The following TACR3 variants were observed in gnomAD, a reference collection of about 807,000 sequenced individuals.
TACR3 encodes the protein tachykinin receptor 3, also known as neuromedin-K receptor.
TACR3 carries 34 observed loss-of-function variants against 35.0 expected under a neutral mutation model. The observed-to-expected ratio is 0.97, with a 90% CI of 0.74 to 1.30. TACR3 has a LOEUF of 1.30. TACR3 is among the 50% of genes most tolerant of loss of function. TACR3 has a pLI of 0.00. For missense variants in TACR3, 558 were observed against 591.7 expected (o/e 0.94, Z 0.59); for synonymous variants, 233 against 221.1 (o/e 1.05, Z -0.48).
At chr4:103,655,553 C>A (rs1725716022) in intron 3 of TACR3, among the ~76,000 whole-genome samples, 1 of 151,842 alleles carries the variant, frequency 6.6e-6, no homozygotes, top group East Asian at 1.9e-4. Flanking sequence ...TAAAATAATC[C>A]TAGTAAAATA....
chr4:103,656,087 G>A, intron 3 of TACR3, 107 bp downstream of exon 3: 1 of 1,371,420 alleles, frequency 7.3e-7, no homozygotes, highest in Admixed American at 1.8e-5. Flanking sequence ...TTAAAAACAG[G>A]AGTAGAGCAT....
At chr4:103,590,138 C>A in intron 4 of TACR3, 144 bp from the exon 5 acceptor site, 1 of 925,066 alleles carries the variant, frequency 1.1e-6, no homozygotes, top group Non-Finnish European at 1.7e-6. Flanking sequence ...GAATTTATGT[C>A]ACAGTACTGT....
intron 1 of TACR3, among the ~76,000 whole-genome samples, chr4:103,694,249 A>G (rs1423843922): frequency 6.8e-6 from 1 of 148,062 alleles, no homozygotes; most frequent in African/African-American, 2.7e-5. Context: ...ATGCTTGTGA[A>G]GCTTACACCA....
chr4:103,674,495 G>T (rs1395369728), intron 1 of TACR3, among the ~76,000 whole-genome samples: 1 of 152,122 alleles, frequency 6.6e-6, no homozygotes, highest in Non-Finnish European at 1.5e-5. Flanking sequence ...ATTAATCATA[G>T]TTCCAGGACC....
chr4:103,652,963 TAAGAG>T (rs1301101201), intron 3 of TACR3, among the ~76,000 whole-genome samples: 1 of 152,184 alleles, frequency 6.6e-6, no homozygotes, highest in Admixed American at 6.6e-5. Context: ...AGAAAAAAAT[TAAGAG>T]AAGGGCCAGC....
At chr4:103,682,135 G>A (rs928288799) in intron 1 of TACR3, among the ~76,000 whole-genome samples, 6 of 151,950 alleles carry the variant, frequency 3.9e-5, no homozygotes, top group African/African-American at 7.3e-5. Context: ...TTAAATTCTT[G>A]TCATTATTAT....
At chr4:103,687,310 G>A (rs1252545138) in intron 1 of TACR3, among the ~76,000 whole-genome samples, 2 of 152,004 alleles carry the variant, frequency 1.3e-5, no homozygotes, top group African/African-American at 4.8e-5. Context: ...GGCAAAAACT[G>A]GAAGCATTCC....
intron 1 of TACR3, among the ~76,000 whole-genome samples, chr4:103,707,494 A>G (rs1195728211): frequency 6.6e-6 from 1 of 152,162 alleles, no homozygotes; most frequent in Admixed American, 6.5e-5. Flanking sequence ...TTATGTGTCT[A>G]TAATTCAGAA....
chr4:103,706,380 A>G (rs1722790050), intron 1 of TACR3, among the ~76,000 whole-genome samples: 2 of 152,328 alleles, frequency 1.3e-5, no homozygotes, highest in East Asian at 1.9e-4. Flanking sequence ...ACTAAATTTT[A>G]TAGAATAAAA....
intron 3 of TACR3, among the ~76,000 whole-genome samples, chr4:103,622,568 A>G (rs1250274390): frequency 6.6e-6 from 1 of 152,144 alleles, no homozygotes; most frequent in African/African-American, 2.4e-5. Context: ...CGTCTCTACT[A>G]AAAATACAAA....
At chr4:103,629,378 T>C (rs1724990204) in intron 3 of TACR3, among the ~76,000 whole-genome samples, 1 of 152,116 alleles carries the variant, frequency 6.6e-6, no homozygotes, top group African/African-American at 2.4e-5. Context: ...CATGATTGTA[T>C]ATCTAGAAAA....
intron 3 of TACR3, among the ~76,000 whole-genome samples, chr4:103,645,938 C>G (rs1725447609): frequency 6.6e-6 from 1 of 151,944 alleles, no homozygotes; most frequent in African/African-American, 2.4e-5. Context: ...ACATCCAAGA[C>G]CCTGTTCTTT....
At chr4:103,678,146 G>A (rs1726213138) in intron 1 of TACR3, among the ~76,000 whole-genome samples, 1 of 152,078 alleles carries the variant, frequency 6.6e-6, no homozygotes. Context: ...GTGATTCAAG[G>A]ATTAAATGGA....
At chr4:103,664,178 C>G (rs536346264) in intron 1 of TACR3, among the ~76,000 whole-genome samples, 1 of 152,218 alleles carries the variant, frequency 6.6e-6, no homozygotes, top group African/African-American at 2.4e-5. Context: ...TTAAAGCCAC[C>G]TCTTAAAAGT....
chr4:103,711,587 A>G (rs1722962396), intron 1 of TACR3, among the ~76,000 whole-genome samples: 1 of 152,206 alleles, frequency 6.6e-6, no homozygotes, highest in Non-Finnish European at 1.5e-5. Flanking sequence ...CTGGCACAAG[A>G]CAGGGATGCC....
intron 3 of TACR3, among the ~76,000 whole-genome samples, chr4:103,607,256 A>T (rs76051369): frequency 0.012 from 1,886 of 152,204 alleles, 38 homozygotes; most frequent in African/African-American, 0.043. Flanking sequence ...ATCATTGCCT[A>T]TGCATTATTC....
intron 1 of TACR3, among the ~76,000 whole-genome samples, chr4:103,673,650 G>A (rs947668815): frequency 1.1e-4 from 16 of 152,030 alleles, no homozygotes; most frequent in Non-Finnish European, 1.0e-4. Flanking sequence ...AATGTGACAC[G>A]AAAAAATGAA....
At chr4:103,695,421 T>C (rs981163271) in intron 1 of TACR3, among the ~76,000 whole-genome samples, 6 of 152,148 alleles carry the variant, frequency 3.9e-5, no homozygotes, top group Admixed American at 3.3e-4. Context: ...TAAAGACCTG[T>C]ATGATGATCC....
chr4:103,641,833 T>C (rs1273404157), intron 3 of TACR3, among the ~76,000 whole-genome samples: 1 of 151,958 alleles, frequency 6.6e-6, no homozygotes, highest in Non-Finnish European at 1.5e-5. Flanking sequence ...ATAACATGGA[T>C]GAACCTGAAG....
Sources: allele counts gnomAD v4.1 joint callset (sites outside exome capture counted in the v4.1 genomes callset), GRCh38; gene constraint gnomAD v4.1.1; transcripts MANE v1.5; gene names NCBI Gene and HGNC (gene_info 2026-07-23, HGNC 2026-07-21).